Variants in MCRIP1 observed in about 807,000 individuals in gnomAD.
MCRIP1 encodes the protein mapk-regulated corepressor-interacting protein 1.
Under a neutral mutation model 14.4 loss-of-function variants are expected in MCRIP1, and 10 were observed. The observed-to-expected ratio is 0.70, with a 90% CI of 0.43 to 1.18. The LOEUF is 1.18. MCRIP1 is among the 50% of genes most tolerant of loss of function. The probability of loss-of-function intolerance (pLI) is 0.00; values close to 1 mark genes in which losing one functional copy is unlikely to be tolerated. For missense variants in MCRIP1, 119 were observed against 135.4 expected, an observed-to-expected ratio of 0.88 and a Z score of 0.60; for synonymous variants, 53 against 55.7, an observed-to-expected ratio of 0.95 and a Z score of 0.21.
Position 81,823,462 on chromosome 17 carries a change from C to G in MCRIP1, c.179G>C (p.Arg60Pro). ...DLRGQVPGGE[R>P]GLVEEYVEKV... ...CTCCACATACTCCTCCACCAGGCCC[C>G]GCTCGCCACCCGGCACCTGGCCTCG... The change falls in exon 4 of 5, where the codon CGG (arginine) becomes CCG (proline). Residue 60 changes from arginine to proline, a missense_variant. Transcript: ENST00000455127. The surrounding 1 kb of genome is among the most constrained non-coding windows in gnomAD (Gnocchi z 6.0). 1 of 1,536,734 alleles carries G rather than the reference C, an allele frequency of 6.5e-7. No individual in the cohort carries two copies. The highest frequency in any genetic ancestry group is 8.7e-7 in the Non-Finnish European group (1 of 1,146,782).
Position 81,824,420 on chromosome 17 carries a change from C to T in MCRIP1, c.9-15G>A, listed in dbSNP as rs749647711. ...AGACGGGGGAGCTGGGGGAGCCTGG[C>T]GCATGAGACAGGGCACACAGCAGGG... On this transcript the variant is annotated splice_polypyrimidine_tract_variant and intron_variant, in intron 2 of 4. Transcript: ENST00000455127. The T allele has an allele frequency of 5.9e-6, 9 of 1,532,924 alleles. No homozygotes were observed. The highest frequency in any genetic ancestry group is 2.0e-5 in the Admixed American group (1 of 50,608). The allele number at this position is 1,532,924 out of a possible 1,614,324, so 95.0% of individuals were successfully genotyped here. A position where few individuals can be genotyped will look rare whatever the true frequency, so the allele number is the denominator to read the frequency against.
intron 1 of MCRIP1, among the ~76,000 whole-genome samples, chr17:81,832,970 C>A (rs1281205976): frequency 6.6e-6 from 1 of 152,058 alleles, no homozygotes; most frequent in Admixed American, 6.5e-5. Flanking sequence ...CCGGCACCTG[C>A]CCCTGCCTGG....
chr17:81,824,588 G>A, intron 1 of MCRIP1, 34 bp from the exon 2 acceptor site: 3 of 1,535,754 alleles, frequency 2.0e-6, no homozygotes, highest in Non-Finnish European at 2.6e-6. Flanking sequence ...ATGGGACGCA[G>A]GGCCACCCTC....
rs2038339028 is a variant in MCRIP1, at chr17:81,824,343, C to G, written c.71G>C (p.Ser24Thr). 3 of 1,530,618 alleles carry G rather than the reference C, an allele frequency of 2.0e-6. No homozygotes were observed. Among genetic ancestry groups the G allele is most frequent in the Middle Eastern group, 3.4e-4 (2 of 5,952 alleles). The allele number at this position is 1,530,618 out of a possible 1,614,324, so 94.8% of individuals were successfully genotyped here. The change falls in exon 3 of 5, where the codon AGC becomes ACC. Residue 24 changes from serine to threonine, a missense_variant. Coordinates refer to ENST00000455127, the MANE Select transcript of MCRIP1 (RefSeq NM_207368.5). The stretch of plus-strand genomic sequence containing the variant: ...GGCTGGGGTGAAGATCTCGCTGCTG[C>G]TGGGTGGGGAGCGGGGGCTGCTGGT... The part of the protein sequence containing the change: ...KRTSSPRSPP[S>T]SSEIFTPAHE...
At chr17:81,831,402 C>CAAA (rs577541495) in intron 1 of MCRIP1, among the ~76,000 whole-genome samples, 43 of 67,706 alleles carry the variant, frequency 6.4e-4, no homozygotes, top group East Asian at 1.6e-3. Flanking sequence ...TCTCTGCCCT[C>CAAA]AAAAAAAAAA....
intron 1 of MCRIP1, chr17:81,825,476 C>A: frequency 4.2e-6 from 5 of 1,201,630 alleles, no homozygotes; most frequent in Non-Finnish European, 5.3e-6. Flanking sequence ...GCTTTGAGCA[C>A]AAGCAACTCC....
At position 81,823,412 on chromosome 17, in the gene MCRIP1, T is replaced by C. The variant is rs763495601; in HGVS notation, c.229A>G (p.Thr77Ala). 19 of 1,536,032 alleles carry C rather than the reference T, an allele frequency of 1.2e-5. No individual in the cohort carries two copies. In the Middle Eastern group the frequency reaches 2.2e-3, roughly 175 times the overall value. Residue 77 changes from threonine to alanine, a missense_variant and splice_region_variant, in exon 4 of 5, where the codon ACC becomes GCC. By Grantham distance (58) the Thr-to-Ala change is moderately conservative. Coordinates refer to ENST00000455127, the MANE Select transcript of MCRIP1 (RefSeq NM_207368.5). The surrounding 1 kb of genome is among the most constrained non-coding windows in gnomAD (Gnocchi z 6.0). ...TGCCCCCAGGTCAGCCCCCACTCAC[T>C]CTTCAGGCTGGGGTTAGGGACCTTC... ...VEKVPNPSLK[T>A]FKPIDLSDLK...
intron 1 of MCRIP1, among the ~76,000 whole-genome samples, chr17:81,828,253 C>T (rs1347661594): frequency 4.6e-5 from 7 of 151,924 alleles, no homozygotes; most frequent in Non-Finnish European, 1.0e-4. Context: ...CCCCCAGGGC[C>T]TCACACTGCC....
intron 1 of MCRIP1, among the ~76,000 whole-genome samples, chr17:81,830,392 G>A (rs565686213): frequency 1.6e-4 from 25 of 151,744 alleles, no homozygotes; most frequent in African/African-American, 4.8e-4. Context: ...ATCCCAGCAC[G>A]TTGGGAGGCT....
intron 1 of MCRIP1, among the ~76,000 whole-genome samples, chr17:81,830,741 G>A (rs112597590): frequency 2.0e-5 from 3 of 150,956 alleles, no homozygotes; most frequent in Admixed American, 6.6e-5. Context: ...GCCCCATCTC[G>A]ACCAGGTGCG....
intron 1 of MCRIP1, among the ~76,000 whole-genome samples, chr17:81,832,885 G>A (rs544550963): frequency 1.3e-4 from 20 of 152,366 alleles, no homozygotes; most frequent in African/African-American, 4.8e-4. Flanking sequence ...CCGGGAAAGC[G>A]GGGCTCTGTC....
intron 1 of MCRIP1, among the ~76,000 whole-genome samples, chr17:81,829,880 C>T (rs898003119): frequency 1.3e-5 from 2 of 152,244 alleles, no homozygotes; most frequent in Admixed American, 1.3e-4. Context: ...AACCCTATCC[C>T]CAAGTCACTT....
At chr17:81,826,673 G>C (rs909427807) in intron 1 of MCRIP1, 12 of 389,758 alleles carry the variant, frequency 3.1e-5, no homozygotes, top group Non-Finnish European at 4.6e-5. Flanking sequence ...TACAAAATTA[G>C]TTGGGCGTGG....
intron 1 of MCRIP1, among the ~76,000 whole-genome samples, chr17:81,829,410 C>G (rs1389366677): frequency 1.3e-5 from 2 of 152,236 alleles, no homozygotes; most frequent in Non-Finnish European, 2.9e-5. Context: ...GCCTCGGTCC[C>G]GTTTTCCTTC....
Position 81,823,616 on chromosome 17 carries a change from T to C in MCRIP1, c.128-103A>G. ...CAGCTCCTGCCCTCCCAGATCCTCTTCTCCCTCAGAAGTGTCCTCCATGCT... is the reference window on the plus strand; with the variant it reads ...CAGCTCCTGCCCTCCCAGATCCTCTCCTCCCTCAGAAGTGTCCTCCATGCT... On this transcript the variant is annotated intron_variant, in intron 3 of 4. Transcript: ENST00000455127. This position sits in a 1 kb window ranked among gnomAD's most constrained non-coding sequence, Gnocchi z 6.0. The C allele has an allele frequency of 2.1e-6, 2 of 960,878 alleles. No individual in the cohort carries two copies. The highest frequency in any genetic ancestry group is 3.1e-6 in the Non-Finnish European group (2 of 636,850). 59.5% of individuals were successfully genotyped at this position (960,878 alleles called of 1,614,324 possible). A position where few individuals can be genotyped will look rare whatever the true frequency, so the allele number is the denominator to read the frequency against.
At chr17:81,830,956 A>C (rs1318534888) in intron 1 of MCRIP1, among the ~76,000 whole-genome samples, 1 of 152,074 alleles carries the variant, frequency 6.6e-6, no homozygotes, top group Non-Finnish European at 1.5e-5. Context: ...ATCTGAGGTC[A>C]GGAGTTCGAG....
At position 81,823,560 on chromosome 17, in the gene MCRIP1, GTGGCAT is replaced by G; in HGVS notation, c.128-53_128-48del. 1.3e-6 allele frequency: 2 copies of G among 1,494,470 alleles called. No individual in the cohort carries two copies. The highest frequency in any genetic ancestry group is 1.8e-6 in the Non-Finnish European group (2 of 1,110,450). The allele number at this position is 1,494,470 out of a possible 1,614,324, so 92.6% of individuals were successfully genotyped here. A position where few individuals can be genotyped will look rare whatever the true frequency, so the allele number is the denominator to read the frequency against. On this transcript the variant is annotated intron_variant, in intron 3 of 4. Coordinates refer to ENST00000455127, the MANE Select transcript of MCRIP1 (RefSeq NM_207368.5). The surrounding 1 kb of genome is among the most constrained non-coding windows in gnomAD (Gnocchi z 6.0). ...TGCTCAGGGCCCCCTGCCCCAGGGG[GTGGCAT>G]CCACGTCACGAGAGTGCCTGCCCTC...
chr17:81,826,088 C>T, intron 1 of MCRIP1: 5 of 1,476,370 alleles, frequency 3.4e-6, no homozygotes, highest in Middle Eastern at 1.8e-4. Context: ...CTCCAGTGGC[C>T]ACTTGGCCTT....
At chr17:81,828,310 G>A (rs1289884183) in intron 1 of MCRIP1, among the ~76,000 whole-genome samples, 2 of 139,202 alleles carry the variant, frequency 1.4e-5, no homozygotes, top group Non-Finnish European at 3.0e-5. Flanking sequence ...TTTCCTGGAT[G>A]TGCCAGCAGT....
Sources: gnomAD v4.1 joint callset for allele counts (sites outside exome capture counted in the v4.1 genomes callset) on GRCh38, gnomAD v4.1.1 for gene constraint, Gnocchi (gnomAD v3.1) non-coding constraint, MANE v1.5 for transcripts, NCBI Gene and HGNC (gene_info 2026-07-23, HGNC 2026-07-21) for gene names.